Variants in UTP4 observed in about 807,000 individuals in gnomAD.
UTP4 encodes the protein U3 small nucleolar RNA-associated protein 4 homolog.
A neutral mutation model predicts 82.4 loss-of-function variants in UTP4; 45 were observed. That is an observed-to-expected ratio of 0.55 (90% confidence interval 0.43 to 0.70). The LOEUF is 0.70. UTP4 is among the 30% of genes least tolerant of loss of function. The pLI is 0.00. For synonymous variants in UTP4, 348 were observed against 300.3 expected, an observed-to-expected ratio of 1.16 and a Z score of -1.64; for missense variants, 819 against 858.3, an observed-to-expected ratio of 0.95 and a Z score of 0.57.
intron 14 of UTP4, among the ~76,000 whole-genome samples, chr16:69,164,586 T>TTATATATATA (rs58927210): frequency 9.6e-4 from 127 of 132,506 alleles, no homozygotes; most frequent in Non-Finnish European, 1.2e-3. Flanking sequence ...TAATCATTCT[T>TTATATATATA]TATATATATA....
chr16:69,150,931 A>G, intron 8 of UTP4, 27 bp downstream of exon 8: 3 of 1,542,710 alleles, frequency 1.9e-6, no homozygotes, highest in Non-Finnish European at 2.7e-6. Context: ...AGCCCCTGCT[A>G]ACCCCTCATC....
rs1962704085 is a variant in UTP4, at chr16:69,133,399, CTA to C, written c.-2-55_-2-54del. 9 of 1,524,190 alleles carry C rather than the reference CTA, an allele frequency of 5.9e-6. No homozygotes were observed. The Admixed American group carries it at 1.5e-4, about 26-fold the overall frequency. The allele number at this position is 1,524,190 out of a possible 1,614,324, so 94.4% of individuals were successfully genotyped here. A position where few individuals can be genotyped will look rare whatever the true frequency, so the allele number is the denominator to read the frequency against. On this transcript the variant is annotated intron_variant, in intron 1 of 16. Transcript: ENST00000314423. Reference sequence around the variant, plus strand: ...AACAGTGATATTAAGGAACTGAATACTATATGTGACATACTGCAGTTAACATA... The same window carrying C: ...AACAGTGATATTAAGGAACTGAATACTATGTGACATACTGCAGTTAACATA...
chr16:69,155,813 G>A (rs1963394180), intron 10 of UTP4, 58 bp from the exon 11 acceptor site: 2 of 1,607,032 alleles, frequency 1.2e-6, no homozygotes, highest in Non-Finnish European at 1.7e-6. Flanking sequence ...TCATGTCCCA[G>A]TGCACCTTGT....
Position 69,168,973 on chromosome 16 carries a change from T to C in UTP4, c.*36T>C, listed in dbSNP as rs770437246. 3 of 1,246,664 alleles carry C rather than the reference T, an allele frequency of 2.4e-6. No individual in the cohort carries two copies. The South Asian group carries it at 3.6e-5, about 15-fold the overall frequency. The allele number at this position is 1,246,664 out of a possible 1,614,324, so 77.2% of individuals were successfully genotyped here. A position where few individuals can be genotyped will look rare whatever the true frequency, so the allele number is the denominator to read the frequency against. On this transcript the variant is annotated 3_prime_UTR_variant, in exon 17 of 17. Coordinates refer to ENST00000314423, the MANE Select transcript of UTP4 (RefSeq NM_032830.3). ...TGTCTGTGTCCTTCCTTGAACTGTC[T>C]ACCCTGTTGCTTTTCACAAATCATG...
chr16:69,143,331 C>T lies in UTP4; in HGVS notation c.680C>T (p.Thr227Met), dbSNP rs758116996. 56 of 1,614,044 alleles carry T rather than the reference C, an allele frequency of 3.5e-5. No homozygotes were observed. Among genetic ancestry groups the T allele is most frequent in the South Asian group, 4.4e-5 (4 of 91,080 alleles). Reference protein sequence around the residue: ...KVQFWDSATGTLVKSHLIANA... With the variant: ...KVQFWDSATGMLVKSHLIANA... ...CAGTTCTGGGACTCAGCCACTGGGACGCTTGTGAAGAGCCATCTCATCGCT... is the reference window on the plus strand; with the variant it reads ...CAGTTCTGGGACTCAGCCACTGGGATGCTTGTGAAGAGCCATCTCATCGCT... Residue 227 changes from threonine to methionine, a missense_variant, in exon 6 of 17, where the codon ACG becomes ATG. By Grantham distance (81) the Thr-to-Met change is moderately conservative (BLOSUM62 -1). Transcript: ENST00000314423.
Position 69,168,940 on chromosome 16 carries a change from CAG to C in UTP4, c.*4_*5del, listed in dbSNP as rs1476059703. The stretch of plus-strand genomic sequence containing the variant: ...AAAAGAAGAAATTTGGAACCTAAAA[CAG>C]GGCACTGTCTGTGTCCTTCCTTGAA... On this transcript the variant is annotated 3_prime_UTR_variant, in exon 17 of 17. Transcript: ENST00000314423. The C allele has an allele frequency of 4.5e-6, 7 of 1,557,210 alleles. No homozygotes were observed. The African/African-American group carries it at 5.4e-5, about 12-fold the overall frequency.
chr16:69,136,729 G>A lies in UTP4; in HGVS notation c.193G>A (p.Ala65Thr). ...AGGTCATGAGTCTCGGGCTACAGAA[G>A]CTTTGTGCTGGGCAGAAGGACAGCG... ...FPGHESRATE[A>T]LCWAEGQRLF... is the part of the protein sequence containing the mutation. The change falls in exon 3 of 17, where the codon GCT becomes ACT. Residue 65 changes from alanine to threonine, a missense_variant. Coordinates refer to ENST00000314423, the MANE Select transcript of UTP4 (RefSeq NM_032830.3). 1 of 1,614,050 alleles carries A rather than the reference G, an allele frequency of 6.2e-7. No individual in the cohort carries two copies.
chr16:69,146,061 G>A (rs529232037), intron 6 of UTP4, among the ~76,000 whole-genome samples: 5 of 149,484 alleles, frequency 3.3e-5, no homozygotes, highest in Middle Eastern at 3.4e-3. Context: ...AGATTGTGCC[G>A]TTGTGCTCCA....
chr16:69,164,179 C>T (rs1021841035), intron 14 of UTP4, among the ~76,000 whole-genome samples: 15 of 152,038 alleles, frequency 9.9e-5, no homozygotes, highest in East Asian at 1.9e-4. Context: ...CCACCGCGCC[C>T]GGCTGATGGT....
At position 69,160,448 on chromosome 16, in the gene UTP4, G is replaced by A. The variant is rs751461578; in HGVS notation, c.1537G>A (p.Val513Ile). ...GTSAGVHVYN[V>I]KQLKLHCTVP... is the part of the protein sequence containing the mutation. ...CAGTGCTGGAGTCCATGTCTACAAC[G>A]TAAAACAGCTAAAGGTGAGCATAGG... Residue 513 changes from valine to isoleucine, a missense_variant, in exon 13 of 17, where the codon GTA (valine) becomes ATA (isoleucine). Coordinates refer to ENST00000314423, the MANE Select transcript of UTP4 (RefSeq NM_032830.3). 6.2e-6 allele frequency: 10 copies of A among 1,613,504 alleles called. No homozygotes were observed. The South Asian group carries it at 6.6e-5, about 11-fold the overall frequency.
chr16:69,142,121 C>T (rs1377000754), intron 5 of UTP4: 1 of 152,080 alleles, frequency 6.6e-6, no homozygotes, highest in Non-Finnish European at 1.5e-5. Flanking sequence ...ATGTTAAAGG[C>T]TTTCCTCATG....
chr16:69,136,662 G>A lies in UTP4; in HGVS notation c.160-34G>A, dbSNP rs572394498. ...CTCAGTACCGGTACCTGATGAATTT[G>A]TGGTAATGTTGAGAAGTTATGGTGT... On this transcript the variant is annotated intron_variant, in intron 2 of 16. Transcript: ENST00000314423. 5 of 1,610,150 alleles carry A rather than the reference G, an allele frequency of 3.1e-6. No homozygotes were observed. The African/African-American group carries it at 5.3e-5, about 17-fold the overall frequency.
Position 69,157,114 on chromosome 16 carries a change from G to A in UTP4, c.1318G>A (p.Ala440Thr). 3 of 1,614,108 alleles carry A rather than the reference G, an allele frequency of 1.9e-6. No individual in the cohort carries two copies. Among genetic ancestry groups the A allele is most frequent in the Non-Finnish European group, 2.5e-6 (3 of 1,180,020 alleles). ...CAAAATGCCAGCATTCCTTCGCTCTGCCCTTCAGATTTTGTTTTCTGAAGA... is the reference window on the plus strand; with the variant it reads ...CAAAATGCCAGCATTCCTTCGCTCTACCCTTCAGATTTTGTTTTCTGAAGA... ...VSKMPAFLRS[A>T]LQILFSEDST... Residue 440 changes from alanine (A) to threonine (T), a missense_variant, in exon 12 of 17, where the codon GCC (alanine) becomes ACC (threonine). Transcript: ENST00000314423.
At chr16:69,139,379 C>T (rs1355667264) in intron 4 of UTP4, among the ~76,000 whole-genome samples, 2 of 151,846 alleles carry the variant, frequency 1.3e-5, no homozygotes, top group African/African-American at 4.8e-5. Flanking sequence ...TGGCTTACAC[C>T]TGTAATCCCA....
intron 13 of UTP4, among the ~76,000 whole-genome samples, chr16:69,161,477 G>A (rs1364126800): frequency 6.6e-6 from 1 of 152,192 alleles, no homozygotes; most frequent in African/African-American, 2.4e-5. Context: ...TGTGTGTAGC[G>A]TGCACATGCT....
intron 2 of UTP4, among the ~76,000 whole-genome samples, chr16:69,134,702 C>CTTT (rs751705922): frequency 1.5e-5 from 2 of 131,526 alleles, no homozygotes; most frequent in Non-Finnish European, 3.3e-5. Context: ...TTTTCTTTTT[C>CTTT]TTTTTTTTTT....
intron 12 of UTP4, 139 bp downstream of exon 12, chr16:69,157,379 A>G: frequency 1.2e-6 from 1 of 848,752 alleles, no homozygotes; most frequent in Non-Finnish European, 1.9e-6. Flanking sequence ...TGCTGTTTCA[A>G]GTAGGAGGAG....
intron 16 of UTP4, 171 bp downstream of exon 16, chr16:69,167,356 G>A: frequency 1.6e-6 from 1 of 633,050 alleles, no homozygotes; most frequent in Non-Finnish European, 2.8e-6. Context: ...ATGTTTTATT[G>A]TTCTTGCCTT....
chr16:69,145,718 C>T (rs1008822002), intron 6 of UTP4, among the ~76,000 whole-genome samples: 4 of 151,964 alleles, frequency 2.6e-5, no homozygotes, highest in Non-Finnish European at 5.9e-5. Context: ...TCAGGGCCAC[C>T]TTATGTGCTG....
Sources: gnomAD v4.1 joint callset for allele counts (sites outside exome capture counted in the v4.1 genomes callset) on GRCh38, gnomAD v4.1.1 for gene constraint, MANE v1.5 for transcripts, NCBI Gene and HGNC (gene_info 2026-07-23, HGNC 2026-07-21) for gene names.